CCDC18: variants seen among roughly 807,000 people sequenced by gnomAD.
The protein encoded by CCDC18 is coiled-coil domain-containing protein 18.
Under a neutral mutation model 196.0 loss-of-function variants are expected in CCDC18, and 157 were observed. The observed-to-expected ratio is 0.80, with a 90% CI of 0.70 to 0.91. The LOEUF (loss-of-function observed/expected upper bound fraction) is 0.91. Ranked by LOEUF, CCDC18 falls within the 40% of genes least tolerant of loss-of-function variation. The probability of loss-of-function intolerance (pLI) is 0.00; values close to 1 mark genes in which losing one functional copy is unlikely to be tolerated. For synonymous variants in CCDC18, 482 were observed against 529.2 expected (o/e 0.91, Z 1.22); for missense variants, 1,465 against 1,611.6 (o/e 0.91, Z 1.56).
intron 24 of CCDC18, among the ~76,000 whole-genome samples, chr1:93,255,763 AGAG>A (rs1235750618): frequency 2.1e-5 from 3 of 142,684 alleles, no homozygotes; most frequent in Admixed American, 6.8e-5. Flanking sequence ...AAGAGGAAGA[AGAG>A]GAGGAAGAGG....
intron 19 of CCDC18, 65 bp from the exon 20 acceptor site, chr1:93,239,245 T>C (rs1013960275): frequency 1.7e-6 from 2 of 1,201,760 alleles, no homozygotes; most frequent in Admixed American, 2.5e-5. Flanking sequence ...GCTTTTTTTT[T>C]AGTCAGAGAC....
Position 93,180,824 on chromosome 1 carries a change from G to T in CCDC18, c.-31G>T, listed in dbSNP as rs894459357. 2 of 1,367,626 alleles carry T rather than the reference G, an allele frequency of 1.5e-6. No individual in the cohort carries two copies. Among genetic ancestry groups the T allele is most frequent in the African/African-American group, 3.0e-5 (2 of 67,740 alleles). 84.7% of individuals were successfully genotyped at this position (1,367,626 alleles called of 1,614,324 possible). On this transcript the variant is annotated 5_prime_UTR_variant, in exon 1 of 29. Coordinates refer to ENST00000690025, the MANE Select transcript of CCDC18 (RefSeq NM_001378204.1). ...AAAGGGTCAGAGGCTTCCTAACGCA[G>T]ACTCGAGTGCGAAGCGCGCAGTCGC... is the stretch of plus-strand genomic sequence containing the variant.
intron 6 of CCDC18, among the ~76,000 whole-genome samples, chr1:93,199,378 C>A (rs762316998): frequency 2.0e-5 from 3 of 152,230 alleles, no homozygotes; most frequent in Non-Finnish European, 4.4e-5. Context: ...GAGGCTGTGG[C>A]TGGACCAGGT....
At chr1:93,194,055 C>G (rs977570853) in intron 6 of CCDC18, among the ~76,000 whole-genome samples, 3 of 151,878 alleles carry the variant, frequency 2.0e-5, no homozygotes, top group African/African-American at 7.3e-5. Context: ...GTTTAAAATA[C>G]TAACAGGGAA....
chr1:93,186,220 T>C (rs1571325481), intron 3 of CCDC18, 125 bp from the exon 4 acceptor site: 1 of 819,416 alleles, frequency 1.2e-6, no homozygotes, highest in East Asian at 2.7e-5. Flanking sequence ...ACTCACTAAG[T>C]ATTTTAACTC....
chr1:93,186,195 C>A, intron 3 of CCDC18, 150 bp from the exon 4 acceptor site: 1 of 678,842 alleles, frequency 1.5e-6, no homozygotes. Flanking sequence ...GATTGTTCCA[C>A]ATATCCTTGT....
At chr1:93,240,716 A>T (rs919020893) in intron 21 of CCDC18, among the ~76,000 whole-genome samples, 2 of 152,154 alleles carry the variant, frequency 1.3e-5, no homozygotes, top group Admixed American at 6.5e-5. Flanking sequence ...CCATTTCTCC[A>T]GTATTGACCT....
chr1:93,186,178 G>A (rs1650642139), intron 3 of CCDC18, among the ~76,000 whole-genome samples, 167 bp from the exon 4 acceptor site: 1 of 151,916 alleles, frequency 6.6e-6, no homozygotes, highest in Non-Finnish European at 1.5e-5. Context: ...GTGGAAGAGA[G>A]AGTATTGATT....
intron 5 of CCDC18, 98 bp from the exon 6 acceptor site, chr1:93,193,518 A>T: frequency 1.3e-6 from 1 of 747,702 alleles, no homozygotes; most frequent in Non-Finnish European, 2.0e-6. Flanking sequence ...CTCTTAACTC[A>T]TTGATTTAAA....
chr1:93,186,703 T>C (rs1006884824), intron 4 of CCDC18, among the ~76,000 whole-genome samples, 200 bp downstream of exon 4: 1 of 151,988 alleles, frequency 6.6e-6, no homozygotes, highest in Non-Finnish European at 1.5e-5. Context: ...AACTTTACAG[T>C]TTTTGCATTT....
At chr1:93,231,397 G>A (rs1659220180) in intron 17 of CCDC18, among the ~76,000 whole-genome samples, 2 of 152,096 alleles carry the variant, frequency 1.3e-5, no homozygotes, top group East Asian at 3.9e-4. Flanking sequence ...TTATATTAAT[G>A]AAATGTGATT....
intron 26 of CCDC18, among the ~76,000 whole-genome samples, chr1:93,259,202 G>T (rs1028466168): frequency 6.6e-6 from 1 of 152,070 alleles, no homozygotes; most frequent in African/African-American, 2.4e-5. Flanking sequence ...AATATTAAAT[G>T]AATTAATATA....
Position 93,180,783 on chromosome 1 carries a change from CGCGCA to C in CCDC18, c.-70_-66del. 7.3e-7 allele frequency: 1 copy of C among 1,367,746 alleles called. No individual in the cohort carries two copies. 84.7% of individuals were successfully genotyped at this position (1,367,746 alleles called of 1,614,324 possible). A position where few individuals can be genotyped will look rare whatever the true frequency, so the allele number is the denominator to read the frequency against. On this transcript the variant is annotated 5_prime_UTR_variant, in exon 1 of 29. Coordinates refer to ENST00000690025, the MANE Select transcript of CCDC18 (RefSeq NM_001378204.1). ...CTCCGAGTTGTGTCCGAGGCTTCCA[CGCGCA>C]GGGGCCCGGGAAAGGGTCAGAGGCT...
At chr1:93,180,651 C>T, upstream of CCDC18, 2 of 1,319,554 alleles carry the variant, frequency 1.5e-6, no homozygotes, top group East Asian at 5.2e-5. Context: ...CCCGCGCCTT[C>T]GGCGGCGCCT....
intron 23 of CCDC18, among the ~76,000 whole-genome samples, chr1:93,248,759 T>G (rs1331725817): frequency 6.6e-6 from 1 of 152,104 alleles, no homozygotes; most frequent in East Asian, 1.9e-4. Context: ...GCAGATTGCC[T>G]GAGCTCAGTT....
Position 93,210,843 on chromosome 1 carries a change from A to T in CCDC18, c.1251A>T (p.Lys417Asn). 1 of 1,608,294 alleles carries T rather than the reference A, an allele frequency of 6.2e-7. No homozygotes were observed. The highest frequency in any genetic ancestry group is 8.5e-7 in the Non-Finnish European group (1 of 1,174,794). The stretch of plus-strand genomic sequence containing the variant: ...TTGGCTTTAAATCATATCTTTCTAA[A>T]TACCAGATGAGTAGCTTCTCAAACA... ...ELFGFKSYLS[K>N]YQMSSFSNKE... The change falls in exon 10 of 29, where the codon AAA becomes AAT. Residue 417 changes from lysine to asparagine, a missense_variant. Transcript: ENST00000690025.
chr1:93,258,212 A>G (rs1663290715), intron 25 of CCDC18, among the ~76,000 whole-genome samples: 1 of 151,982 alleles, frequency 6.6e-6, no homozygotes, highest in African/African-American at 2.4e-5. Context: ...CTAATTGGAT[A>G]GCAAAATGTT....
chr1:93,204,273 GA>G (rs931136452), intron 7 of CCDC18, among the ~76,000 whole-genome samples: 1 of 152,018 alleles, frequency 6.6e-6, no homozygotes, highest in African/African-American at 2.4e-5. Flanking sequence ...TTCTTTATGG[GA>G]AAAAAGTGGA....
chr1:93,228,507 T>TTA (rs1557658987), intron 17 of CCDC18, among the ~76,000 whole-genome samples: 3 of 141,664 alleles, frequency 2.1e-5, no homozygotes, highest in Non-Finnish European at 3.1e-5. Flanking sequence ...CTTAGAAGTT[T>TTA]AAAAAAAAAA....
Sources: gnomAD v4.1 joint callset for allele counts (sites outside exome capture counted in the v4.1 genomes callset) on GRCh38, gnomAD v4.1.1 for gene constraint, MANE v1.5 for transcripts, NCBI Gene and HGNC (gene_info 2026-07-23, HGNC 2026-07-21) for gene names.